SYNJ2: variants seen among roughly 807,000 people sequenced by gnomAD.
SYNJ2 encodes the protein synaptojanin 2.
A neutral mutation model predicts 141.3 loss-of-function variants in SYNJ2; 116 were observed. The observed-to-expected ratio is 0.82, with a 90% CI of 0.71 to 0.96. SYNJ2 has a LOEUF of 0.96. SYNJ2 is among the 40% of genes least tolerant of loss of function. The probability of loss-of-function intolerance (pLI) is 0.00; values close to 1 mark genes in which losing one functional copy is unlikely to be tolerated. For synonymous variants in SYNJ2, 745 were observed against 777.7 expected (o/e 0.96, Z 0.70); for missense variants, 1,873 against 1,934.8 (o/e 0.97, Z 0.60).
chr6:158,076,462 C>G (rs1782294822), intron 16 of SYNJ2, among the ~76,000 whole-genome samples, 164 bp from the exon 17 acceptor site: 2 of 152,088 alleles, frequency 1.3e-5, no homozygotes, highest in African/African-American at 4.8e-5. Flanking sequence ...CACTTTTTTG[C>G]TAATTAAAAG....
intron 5 of SYNJ2, among the ~76,000 whole-genome samples, chr6:158,049,019 T>C (rs1377689757): frequency 6.6e-6 from 1 of 152,040 alleles, no homozygotes; most frequent in East Asian, 1.9e-4. Flanking sequence ...TTAAGTCTGG[T>C]AGGAGTGGTG....
At chr6:158,034,835 C>T (rs1178836552) in intron 4 of SYNJ2, among the ~76,000 whole-genome samples, 8 of 152,148 alleles carry the variant, frequency 5.3e-5, no homozygotes, top group East Asian at 1.9e-4. Flanking sequence ...AAGTCTTTAA[C>T]CCATCTTGAG....
intron 1 of SYNJ2, among the ~76,000 whole-genome samples, chr6:158,009,080 C>G (rs1286100912): frequency 6.6e-6 from 1 of 152,226 alleles, no homozygotes; most frequent in East Asian, 1.9e-4. Flanking sequence ...ATGCAGCCAT[C>G]TCCCTGGCTT....
chr6:158,083,845 T>C (rs1782860736), intron 21 of SYNJ2, among the ~76,000 whole-genome samples, 156 bp from the exon 22 acceptor site: 1 of 152,164 alleles, frequency 6.6e-6, no homozygotes, highest in African/African-American at 2.4e-5. Context: ...GGTGTACCAA[T>C]GGAACTGGGG....
intron 26 of SYNJ2, among the ~76,000 whole-genome samples, chr6:158,093,453 A>ACC (rs33918121): frequency 4.5e-5 from 2 of 44,836 alleles, no homozygotes; most frequent in East Asian, 8.3e-4. Flanking sequence ...AAAAAAACAA[A>ACC]AAAAAAAAAA....
intron 1 of SYNJ2, among the ~76,000 whole-genome samples, chr6:157,997,186 G>A (rs1212601437): frequency 6.6e-6 from 1 of 152,058 alleles, no homozygotes; most frequent in Non-Finnish European, 1.5e-5. Context: ...TGCTTACGTG[G>A]GTGTCTTCTG....
intron 1 of SYNJ2, among the ~76,000 whole-genome samples, chr6:158,010,610 C>T (rs1778227328): frequency 6.6e-6 from 1 of 152,184 alleles, no homozygotes; most frequent in Admixed American, 6.5e-5. Context: ...TGAATTGTGT[C>T]CTCCAAAAGG....
chr6:158,083,872 G>A (rs1042756950), intron 21 of SYNJ2, 129 bp from the exon 22 acceptor site: 20 of 1,133,386 alleles, frequency 1.8e-5, no homozygotes, highest in South Asian at 1.8e-4. Flanking sequence ...CCCTGCTGGC[G>A]CCTGGGCCCT....
chr6:158,010,021 A>G (rs1037524812), intron 1 of SYNJ2, among the ~76,000 whole-genome samples: 2 of 152,208 alleles, frequency 1.3e-5, no homozygotes, highest in African/African-American at 4.8e-5. Context: ...GGCTCAAGCA[A>G]TCCTGCTATC....
chr6:158,075,084 G>A (rs1372588738), intron 16 of SYNJ2, among the ~76,000 whole-genome samples: 4 of 151,698 alleles, frequency 2.6e-5, no homozygotes, highest in Non-Finnish European at 5.9e-5. Context: ...GGCGTGTGCC[G>A]CCACACCTGG....
chr6:158,005,671 T>C (rs1562318580), intron 1 of SYNJ2, among the ~76,000 whole-genome samples: 2 of 152,152 alleles, frequency 1.3e-5, no homozygotes, highest in Middle Eastern at 3.4e-3. Flanking sequence ...TGAGCCAAGG[T>C]GGGCCTTTCA....
At chr6:158,091,100 G>A (rs981660555) in intron 25 of SYNJ2, among the ~76,000 whole-genome samples, 5 of 151,506 alleles carry the variant, frequency 3.3e-5, no homozygotes, top group African/African-American at 7.3e-5. Context: ...GGTGGATCAC[G>A]AGGACAGGAA....
chr6:158,050,478 G>A (rs932653201), intron 5 of SYNJ2, among the ~76,000 whole-genome samples: 2 of 152,246 alleles, frequency 1.3e-5, no homozygotes, highest in South Asian at 2.1e-4. Flanking sequence ...AAGGTTTGTT[G>A]TCAGCAGTGA....
chr6:158,065,273 G>A (rs1023707091), intron 11 of SYNJ2, among the ~76,000 whole-genome samples: 4 of 152,168 alleles, frequency 2.6e-5, no homozygotes, highest in East Asian at 1.9e-4. Flanking sequence ...TCTCCTAAAC[G>A]CATCGGTGCC....
intron 25 of SYNJ2, among the ~76,000 whole-genome samples, chr6:158,090,551 T>G (rs1055979984): frequency 2.7e-5 from 4 of 148,478 alleles, no homozygotes; most frequent in African/African-American, 7.4e-5. Flanking sequence ...TGTTTTTTTT[T>G]TTTTTTTTTT....
Position 158,040,439 on chromosome 6 carries a change from C to T in SYNJ2, c.712-2877C>T, listed in dbSNP as rs1196961610. On this transcript the variant is annotated intron_variant, in intron 4 of 26. Transcript: ENST00000355585. The surrounding 1 kb of genome is among the most constrained non-coding windows in gnomAD (Gnocchi z 4.2). ...GCCTCCTTGGGAGGAAGCCTTGAGT[C>T]TTTTTGGCTCTGCTGAGTCATAGCT... Among the ~76,000 whole-genome samples the T allele has an allele frequency of 6.6e-6, 1 of 151,820 alleles. No homozygotes were observed. Among genetic ancestry groups the T allele is most frequent in the Non-Finnish European group, 1.5e-5 (1 of 67,998 alleles).
chr6:158,086,934 G>T lies in SYNJ2; in HGVS notation c.3288G>T (p.Leu1096=). The stretch of plus-strand genomic sequence containing the variant: ...GCCACCGTTCTCCGAGCAGGTCTCT[G>T]TCGGTCCCCAACCGGCCTCGGCCAC... ...EFRHRSPSRS[L]SVPNRPRPPQ... The change falls in exon 23 of 27, where the codon CTG becomes CTT. Residue 1096 remains leucine, a synonymous_variant. Coordinates refer to ENST00000355585, the MANE Select transcript of SYNJ2 (RefSeq NM_003898.4). 6.2e-7 allele frequency: 1 copy of T among 1,608,570 alleles called. No individual in the cohort carries two copies. The highest frequency in any genetic ancestry group is 8.5e-7 in the Non-Finnish European group (1 of 1,179,992).
intron 15 of SYNJ2, among the ~76,000 whole-genome samples, chr6:158,073,885 T>G (rs1782096961): frequency 7.3e-6 from 1 of 136,404 alleles, no homozygotes; most frequent in Admixed American, 7.4e-5. Context: ...AGCAAGTGCC[T>G]TTGTTTCTGA....
At chr6:158,001,387 C>T (rs1469021832) in intron 1 of SYNJ2, 6 of 140,938 alleles carry the variant, frequency 4.3e-5, no homozygotes, top group Admixed American at 2.9e-4. Flanking sequence ...TAACTGAGAA[C>T]TTTCTTTTTT....
Sources: gnomAD v4.1 joint callset for allele counts (sites outside exome capture counted in the v4.1 genomes callset) on GRCh38, gnomAD v4.1.1 for gene constraint, Gnocchi (gnomAD v3.1) non-coding constraint, MANE v1.5 for transcripts, NCBI Gene and HGNC (gene_info 2026-07-23, HGNC 2026-07-21) for gene names.